The following PIK3AP1 variants were observed in gnomAD, a reference collection of about 807,000 sequenced individuals.
PIK3AP1 encodes phosphoinositide 3-kinase adapter protein 1.
In PIK3AP1, 21 loss-of-function variants were observed where a neutral mutation model predicts 88.1. The observed-to-expected ratio is 0.24, with a 90% CI of 0.17 to 0.34. PIK3AP1 has a LOEUF of 0.34. Ranked by LOEUF, PIK3AP1 falls within the 10% of genes least tolerant of loss-of-function variation. The pLI, the probability that PIK3AP1 is intolerant of heterozygous loss-of-function variation, is 1.00. For synonymous variants in PIK3AP1, 398 were observed against 400.0 expected (o/e 1.00, Z 0.06); for missense variants, 828 against 1,035.7 (o/e 0.80, Z 2.75).
intron 12 of PIK3AP1, among the ~76,000 whole-genome samples, chr10:96,619,973 G>A (rs1389208133): frequency 6.6e-6 from 1 of 152,210 alleles, no homozygotes; most frequent in Non-Finnish European, 1.5e-5. Context: ...GAGTCATAAA[G>A]TGTGATAGTT....
chr10:96,671,561 A>G (rs1038584358), intron 2 of PIK3AP1, among the ~76,000 whole-genome samples: 4 of 152,132 alleles, frequency 2.6e-5, no homozygotes, highest in African/African-American at 9.7e-5. Context: ...GTTCTTACCC[A>G]CCAGATGTCT....
At position 96,640,475 on chromosome 10, in the gene PIK3AP1, A is replaced by G. The variant is rs114472564; in HGVS notation, c.1375+4998T>C. Among the ~76,000 whole-genome samples, 442 of 152,276 alleles carry G rather than the reference A, an allele frequency of 2.9e-3. 2 individuals are homozygous for G. Among genetic ancestry groups the G allele is most frequent in the African/African-American group, 0.01 (424 of 41,550 alleles). On this transcript the variant is annotated intron_variant, in intron 8 of 16. Coordinates refer to ENST00000339364, the MANE Select transcript of PIK3AP1 (RefSeq NM_152309.3). ...GTCCAGGGACCACCAGGACTACCAT[A>G]TCATTCTCCAAGGTAAGGGCAGGGG...
chr10:96,710,944 A>T (rs2134292510), intron 1 of PIK3AP1, among the ~76,000 whole-genome samples: 1 of 152,340 alleles, frequency 6.6e-6, no homozygotes, highest in East Asian at 1.9e-4. Flanking sequence ...GAATATAAAT[A>T]ATGTATCATA....
chr10:96,614,282 A>G (rs1564955471), intron 13 of PIK3AP1, among the ~76,000 whole-genome samples: 1 of 152,088 alleles, frequency 6.6e-6, no homozygotes, highest in Non-Finnish European at 1.5e-5. Flanking sequence ...GTCTCATTCC[A>G]TCAAGGCTTC....
chr10:96,701,678 A>C (rs1015723359), intron 2 of PIK3AP1, among the ~76,000 whole-genome samples: 2 of 152,180 alleles, frequency 1.3e-5, no homozygotes, highest in African/African-American at 4.8e-5. Context: ...AGCAGTAAGG[A>C]AGGCGGTAGA....
intron 13 of PIK3AP1, among the ~76,000 whole-genome samples, chr10:96,612,326 AC>A (rs1044835649): frequency 6.6e-6 from 1 of 151,998 alleles, no homozygotes; most frequent in African/African-American, 2.4e-5. Context: ...GAGCAAACAA[AC>A]CCCTGGGGTT....
At chr10:96,652,543 A>G (rs1589516491) in intron 4 of PIK3AP1, among the ~76,000 whole-genome samples, 155 bp downstream of exon 4, 1 of 152,090 alleles carries the variant, frequency 6.6e-6, no homozygotes. Flanking sequence ...ACTGCACTCC[A>G]GCCTGGGAGA....
chr10:96,679,115 G>A (rs1388525697), intron 2 of PIK3AP1, among the ~76,000 whole-genome samples: 2 of 152,184 alleles, frequency 1.3e-5, no homozygotes, highest in African/African-American at 4.8e-5. Context: ...AGAACCTGAA[G>A]AATCATTTAG....
chr10:96,653,425 C>A (rs1169681342), intron 3 of PIK3AP1, among the ~76,000 whole-genome samples: 5 of 145,146 alleles, frequency 3.4e-5, no homozygotes, highest in Admixed American at 6.9e-5. Flanking sequence ...AAAAAACACA[C>A]ACACACACAA....
chr10:96,633,247 G>A (rs762957568), intron 8 of PIK3AP1: 15 of 577,014 alleles, frequency 2.6e-5, no homozygotes, highest in Non-Finnish European at 4.1e-5. Flanking sequence ...CATTTTTATT[G>A]TAGGCAATGT....
At position 96,694,407 on chromosome 10, in the gene PIK3AP1, C is replaced by A. The variant is rs567500008; in HGVS notation, c.430+15160G>T. 2.0e-5 allele frequency among the ~76,000 whole-genome samples: 3 copies of A among 152,248 alleles called. No homozygotes were observed. The South Asian group carries it at 6.2e-4, about 32-fold the overall frequency. ...GTGTAATACTGGGCAAGTCATCTAA[C>A]CCCTCTGGGTCCTACTTTGTTCATT... On this transcript the variant is annotated intron_variant, in intron 2 of 16. Transcript: ENST00000339364.
chr10:96,623,403 A>G lies in PIK3AP1; in HGVS notation c.1735+69T>C, dbSNP rs536821761. 322 of 1,401,876 alleles carry G rather than the reference A, an allele frequency of 2.3e-4. 3 individuals carry two copies. The highest frequency in any genetic ancestry group is 5.0e-5 in the Non-Finnish European group (50 of 995,844). 86.8% of individuals were successfully genotyped at this position (1,401,876 alleles called of 1,614,324 possible). A position where few individuals can be genotyped will look rare whatever the true frequency, so the allele number is the denominator to read the frequency against. On this transcript the variant is annotated intron_variant, in intron 11 of 16. Transcript: ENST00000339364. ...TTCAATGTCAAGGAGCTATTGTTAC[A>G]CTTGGAAATCACTGACCTATGAACA...
rs1564961247 is a variant in PIK3AP1, at chr10:96,628,891, T to TATAC, written c.1376-399_1376-398insGTAT. On this transcript the variant is annotated intron_variant, in intron 8 of 16. Coordinates refer to ENST00000339364, the MANE Select transcript of PIK3AP1 (RefSeq NM_152309.3). ...ATATATACACATATATATATATACA[T>TATAC]ATATATATATATATATGTGTATATA... is the stretch of plus-strand genomic sequence containing the variant. 3.3e-3 allele frequency among the ~76,000 whole-genome samples: 118 copies of TATAC among 36,166 alleles called. 7 individuals carry two copies. The highest frequency in any genetic ancestry group is 0.029 in the East Asian group (12 of 420). 23.7% of individuals were successfully genotyped at this position (36,166 alleles called of 152,430 possible). A position where few individuals can be genotyped will look rare whatever the true frequency, so the allele number is the denominator to read the frequency against.
intron 8 of PIK3AP1, among the ~76,000 whole-genome samples, chr10:96,642,245 C>G (rs1016234300): frequency 1.3e-5 from 2 of 151,904 alleles, no homozygotes; most frequent in African/African-American, 4.8e-5. Context: ...GGTAACATCA[C>G]AAAATCCCAT....
At chr10:96,660,485 G>A (rs1392559101) in intron 2 of PIK3AP1, among the ~76,000 whole-genome samples, 1 of 152,174 alleles carries the variant, frequency 6.6e-6, no homozygotes, top group Non-Finnish European at 1.5e-5. Context: ...CCAAATGCTG[G>A]TCAGGAAGTG....
At chr10:96,652,868 C>T (rs1843560113) in intron 3 of PIK3AP1, 26 bp from the exon 4 acceptor site, 2 of 1,607,180 alleles carry the variant, frequency 1.2e-6, no homozygotes, top group East Asian at 2.2e-5. Context: ...GGTCATTGTC[C>T]CCTCTCCCTC....
intron 2 of PIK3AP1, among the ~76,000 whole-genome samples, chr10:96,657,426 C>T (rs951462145): frequency 5.3e-5 from 8 of 152,118 alleles, no homozygotes; most frequent in Admixed American, 2.0e-4. Context: ...AAGTGAAAAG[C>T]AATCATTTTC....
chr10:96,616,697 C>G lies in PIK3AP1; in HGVS notation c.1956G>C (p.Arg652=). The G allele has an allele frequency of 6.2e-7, 1 of 1,614,138 alleles. No individual in the cohort carries two copies. The highest frequency in any genetic ancestry group is 8.5e-7 in the Non-Finnish European group (1 of 1,180,032). ...SFRFQQENLK[R]LRDSITRRQR... is the part of the protein sequence containing the mutation. ...GTCTTCGGGTGATGCTGTCTCTTAG[C>G]CGTTTAAGATTTTCCTGGAAAAAAA... The change falls in exon 13 of 17, where the codon CGG becomes CGC. Residue 652 remains arginine, a synonymous_variant. Transcript: ENST00000339364.
At chr10:96,702,447 C>T (rs139565111) in intron 2 of PIK3AP1, among the ~76,000 whole-genome samples, 18,271 of 149,678 alleles carry the variant, frequency 0.12, 1,394 homozygotes, top group South Asian at 0.23. Flanking sequence ...TGCAGTGAGC[C>T]GAGATCACGC....
Sources: gnomAD v4.1 joint callset for allele counts (sites outside exome capture counted in the v4.1 genomes callset) on GRCh38, gnomAD v4.1.1 for gene constraint, MANE v1.5 for transcripts, NCBI Gene and HGNC (gene_info 2026-07-23, HGNC 2026-07-21) for gene names.